Variants in ADGRB3 observed in about 807,000 individuals in gnomAD.
ADGRB3 encodes the protein adhesion G protein-coupled receptor B3.
A neutral mutation model predicts 193.4 loss-of-function variants in ADGRB3; 37 were observed. The ratio of observed to expected loss-of-function variants is 0.19; its 90% CI spans 0.15 to 0.25. The LOEUF is 0.25. Ranked by LOEUF, ADGRB3 falls within the 10% of genes least tolerant of loss-of-function variation. ADGRB3 has a pLI of 1.00. For synonymous variants in ADGRB3, 690 were observed against 644.2 expected (o/e 1.07, Z -1.08); for missense variants, 1,637 against 1,852.9 (o/e 0.88, Z 2.14).
chr6:68,649,530 A>G (rs935437325), intron 3 of ADGRB3, among the ~76,000 whole-genome samples: 3 of 152,204 alleles, frequency 2.0e-5, no homozygotes, highest in African/African-American at 7.2e-5. Flanking sequence ...ACTATTTTGT[A>G]TACATAATTT....
intron 8 of ADGRB3, among the ~76,000 whole-genome samples, chr6:68,968,208 G>A (rs1347299314): frequency 1.3e-5 from 2 of 151,958 alleles, no homozygotes; most frequent in Non-Finnish European, 2.9e-5. Context: ...TTCCGCAGCC[G>A]GCCCAGTAAA....
At chr6:69,357,920 A>T (rs1369049396) in intron 28 of ADGRB3, among the ~76,000 whole-genome samples, 1 of 151,954 alleles carries the variant, frequency 6.6e-6, no homozygotes, top group African/African-American at 2.4e-5. Flanking sequence ...TCCACCTGCC[A>T]TAATTTCTCA....
intron 17 of ADGRB3, among the ~76,000 whole-genome samples, chr6:69,183,740 T>G (rs1357659007): frequency 1.3e-5 from 2 of 152,120 alleles, no homozygotes; most frequent in Non-Finnish European, 2.9e-5. Context: ...TTCTCTCAGA[T>G]ATGTAAGTTG....
Position 68,956,124 on chromosome 6 carries a change from T to A in ADGRB3, c.1296T>A (p.His432Gln), listed in dbSNP as rs759836946. 2.5e-6 allele frequency: 4 copies of A among 1,613,868 alleles called. No homozygotes were observed. The highest frequency in any genetic ancestry group is 3.4e-6 in the Non-Finnish European group (4 of 1,179,958). Residue 432 changes from histidine (H) to glutamine (Q), a missense_variant, in exon 7 of 32, where the codon CAT becomes CAA. By Grantham distance (24) the His-to-Gln change is conservative. Coordinates refer to ENST00000370598, the MANE Select transcript of ADGRB3 (RefSeq NM_001704.3). ...GCCGGCAGTGCACTGCAGCTGCCCA[T>A]GGAGGCTCCGAATGCAGAGGGCCAT... ...QRSRQCTAAA[H>Q]GGSECRGPWA... is the part of the protein sequence containing the mutation.
intron 17 of ADGRB3, among the ~76,000 whole-genome samples, chr6:69,182,684 C>T (rs1254509589): frequency 6.6e-6 from 1 of 151,994 alleles, no homozygotes; most frequent in Non-Finnish European, 1.5e-5. Context: ...ATTGAAAACA[C>T]CTATCATAGA....
intron 13 of ADGRB3, among the ~76,000 whole-genome samples, chr6:69,026,943 G>C (rs971487424): frequency 6.6e-6 from 1 of 151,988 alleles, no homozygotes; most frequent in Non-Finnish European, 1.5e-5. Context: ...TGAGTGTGAG[G>C]GTGTAGGAAA....
At chr6:68,741,853 T>A (rs1319865319) in intron 3 of ADGRB3, among the ~76,000 whole-genome samples, 2 of 152,236 alleles carry the variant, frequency 1.3e-5, no homozygotes, top group South Asian at 2.1e-4. Flanking sequence ...CTTTTCAGCA[T>A]TCCTTTTTGC....
intron 3 of ADGRB3, among the ~76,000 whole-genome samples, chr6:68,877,732 A>G (rs1765631325): frequency 6.6e-6 from 1 of 152,136 alleles, no homozygotes; most frequent in South Asian, 2.1e-4. Context: ...GTGAGAGATG[A>G]AAGGGCAAGT....
intron 20 of ADGRB3, among the ~76,000 whole-genome samples, chr6:69,285,380 T>G (rs1371542596): frequency 6.6e-6 from 1 of 152,120 alleles, no homozygotes; most frequent in Non-Finnish European, 1.5e-5. Flanking sequence ...ATAGTAATCT[T>G]TTAAAAATAG....
chr6:68,854,604 C>A (rs1023041238), intron 3 of ADGRB3, among the ~76,000 whole-genome samples: 2 of 151,842 alleles, frequency 1.3e-5, no homozygotes, highest in Non-Finnish European at 2.9e-5. Context: ...AAGTGACCAG[C>A]CTATAAAAAA....
chr6:68,648,554 G>A (rs1768271232), intron 3 of ADGRB3, among the ~76,000 whole-genome samples: 2 of 148,364 alleles, frequency 1.3e-5, no homozygotes, highest in African/African-American at 2.5e-5. Flanking sequence ...TATTTAGGAT[G>A]TAGCAAATGT....
intron 17 of ADGRB3, among the ~76,000 whole-genome samples, chr6:69,105,221 T>C (rs555380894): frequency 2.6e-5 from 4 of 152,294 alleles, no homozygotes; most frequent in East Asian, 3.9e-4. Context: ...TCTACCATTA[T>C]TGTACCACCC....
chr6:68,644,906 G>T (rs1230313872), intron 3 of ADGRB3, among the ~76,000 whole-genome samples: 1 of 152,142 alleles, frequency 6.6e-6, no homozygotes, highest in Non-Finnish European at 1.5e-5. Flanking sequence ...TTTTACAACA[G>T]CTGTAGATTA....
At chr6:68,896,668 G>T (rs957989783) in intron 3 of ADGRB3, among the ~76,000 whole-genome samples, 4 of 152,070 alleles carry the variant, frequency 2.6e-5, no homozygotes, top group South Asian at 2.1e-4. Flanking sequence ...GGAAAGGAAA[G>T]AATCAATTAG....
intron 3 of ADGRB3, among the ~76,000 whole-genome samples, chr6:68,898,678 C>T (rs1182893117): frequency 6.6e-6 from 1 of 152,044 alleles, no homozygotes; most frequent in Non-Finnish European, 1.5e-5. Context: ...AATAACTTTG[C>T]AGTCGAGAAA....
chr6:68,798,168 T>C (rs927328147), intron 3 of ADGRB3, among the ~76,000 whole-genome samples: 1 of 152,198 alleles, frequency 6.6e-6, no homozygotes, highest in African/African-American at 2.4e-5. Flanking sequence ...AATAAACTTA[T>C]GAAAACAGTT....
intron 13 of ADGRB3, among the ~76,000 whole-genome samples, chr6:69,032,559 G>C (rs1213891123): frequency 6.6e-6 from 1 of 152,104 alleles, no homozygotes; most frequent in African/African-American, 2.4e-5. Flanking sequence ...AAGAGGTATT[G>C]ACTCCCTTTA....
chr6:68,844,266 AAACT>A (rs1231659332), intron 3 of ADGRB3, among the ~76,000 whole-genome samples: 1 of 152,156 alleles, frequency 6.6e-6, no homozygotes, highest in African/African-American at 2.4e-5. Context: ...AAATATTTGC[AAACT>A]AACCATCTCA....
At chr6:69,119,495 G>A (rs1773625537) in intron 17 of ADGRB3, among the ~76,000 whole-genome samples, 1 of 152,170 alleles carries the variant, frequency 6.6e-6, no homozygotes, top group Non-Finnish European at 1.5e-5. Flanking sequence ...AGTAGAGCGA[G>A]GTGATGTGTT....
Sources: gnomAD v4.1 joint callset for allele counts (sites outside exome capture counted in the v4.1 genomes callset) on GRCh38, gnomAD v4.1.1 for gene constraint, MANE v1.5 for transcripts, NCBI Gene and HGNC (gene_info 2026-07-23, HGNC 2026-07-21) for gene names.